The following GNAQ variants were observed in gnomAD, a reference collection of about 807,000 sequenced individuals.
GNAQ encodes the protein G protein subunit alpha q.
A neutral mutation model predicts 43.9 loss-of-function variants in GNAQ; 8 were observed. The ratio of observed to expected loss-of-function variants is 0.18; its 90% CI spans 0.11 to 0.33. The LOEUF is 0.33. GNAQ is among the 10% of genes least tolerant of loss of function. The probability of loss-of-function intolerance (pLI) is 1.00; values close to 1 mark genes in which losing one functional copy is unlikely to be tolerated. For missense variants in GNAQ, 158 were observed against 450.8 expected (o/e 0.35, Z 5.88); for synonymous variants, 155 against 170.7 (o/e 0.91, Z 0.71).
intron 2 of GNAQ, among the ~76,000 whole-genome samples, chr9:77,866,336 G>C (rs978808912): frequency 6.6e-6 from 1 of 152,196 alleles, no homozygotes; most frequent in African/African-American, 2.4e-5. Flanking sequence ...AATTAGCTGG[G>C]TGTGGTGGCA....
At chr9:77,959,277 A>G (rs2118410822) in intron 1 of GNAQ, among the ~76,000 whole-genome samples, 1 of 152,324 alleles carries the variant, frequency 6.6e-6, no homozygotes, top group African/African-American at 2.4e-5. Flanking sequence ...CTTTCAGTCT[A>G]TGATAAAATA....
At chr9:77,872,903 G>C (rs1163963103) in intron 2 of GNAQ, among the ~76,000 whole-genome samples, 6 of 152,198 alleles carry the variant, frequency 3.9e-5, no homozygotes, top group African/African-American at 1.4e-4. Flanking sequence ...CAATTTGAAA[G>C]GAAAAACAGA....
At chr9:77,739,451 T>C (rs1395726026) in intron 5 of GNAQ, among the ~76,000 whole-genome samples, 1 of 152,250 alleles carries the variant, frequency 6.6e-6, no homozygotes, top group Non-Finnish European at 1.5e-5. Flanking sequence ...TTAACCATGA[T>C]TTTAATGTTT....
At chr9:78,005,030 G>C (rs1484130834) in intron 1 of GNAQ, among the ~76,000 whole-genome samples, 1 of 152,076 alleles carries the variant, frequency 6.6e-6, no homozygotes, top group Non-Finnish European at 1.5e-5. Context: ...GTAATTAATG[G>C]TTTGGAGAGA....
chr9:77,855,854 A>G (rs966235137), intron 2 of GNAQ, among the ~76,000 whole-genome samples: 1 of 152,064 alleles, frequency 6.6e-6, no homozygotes, highest in African/African-American at 2.4e-5. Context: ...ATCTATTGTT[A>G]TTTTATAATT....
At chr9:77,933,174 T>C (rs985525555) in intron 1 of GNAQ, among the ~76,000 whole-genome samples, 5 of 152,174 alleles carry the variant, frequency 3.3e-5, no homozygotes, top group Non-Finnish European at 5.9e-5. Context: ...TGTCCTACAT[T>C]CTCTGGGCCT....
intron 3 of GNAQ, among the ~76,000 whole-genome samples, chr9:77,807,440 C>T (rs1826846311): frequency 6.6e-6 from 1 of 152,212 alleles, no homozygotes; most frequent in East Asian, 1.9e-4. Flanking sequence ...GAGTCAAGCT[C>T]ACATGACACA....
intron 2 of GNAQ, among the ~76,000 whole-genome samples, chr9:77,892,112 T>C (rs1023121337): frequency 2.6e-5 from 4 of 152,196 alleles, no homozygotes; most frequent in Non-Finnish European, 5.9e-5. Context: ...AGGTTCTAGT[T>C]TCAGTTGTCC....
chr9:77,870,118 C>G (rs1394735998), intron 2 of GNAQ, among the ~76,000 whole-genome samples: 1 of 152,074 alleles, frequency 6.6e-6, no homozygotes, highest in Non-Finnish European at 1.5e-5. Context: ...AGCGAGTATG[C>G]TGATCTAACA....
At chr9:78,028,008 T>C (rs1297858989) in intron 1 of GNAQ, among the ~76,000 whole-genome samples, 2 of 152,146 alleles carry the variant, frequency 1.3e-5, no homozygotes, top group Admixed American at 1.3e-4. Context: ...TTACAAATTA[T>C]ATTAAATGAG....
At chr9:77,920,379 A>T (rs146583582) in intron 2 of GNAQ, among the ~76,000 whole-genome samples, 19 of 152,288 alleles carry the variant, frequency 1.2e-4, no homozygotes, top group Non-Finnish European at 2.1e-4. Context: ...TTTAGTGTGT[A>T]AACTGGCAGT....
chr9:77,824,818 C>CAG (rs1196868466), intron 2 of GNAQ, among the ~76,000 whole-genome samples: 1 of 152,134 alleles, frequency 6.6e-6, no homozygotes, highest in African/African-American at 2.4e-5. Flanking sequence ...AGTTTTTCTT[C>CAG]TGCTAAGAGA....
At chr9:77,902,433 C>T (rs1828629659) in intron 2 of GNAQ, among the ~76,000 whole-genome samples, 1 of 152,122 alleles carries the variant, frequency 6.6e-6, no homozygotes, top group South Asian at 2.1e-4. Flanking sequence ...TTGTTGCTGA[C>T]TTACATAATA....
chr9:77,953,194 C>T (rs1823002898), intron 1 of GNAQ, among the ~76,000 whole-genome samples: 1 of 152,128 alleles, frequency 6.6e-6, no homozygotes. Flanking sequence ...GGGAGTTACA[C>T]CCAGCCTATC....
chr9:77,926,123 G>GA (rs1025026217), intron 1 of GNAQ, among the ~76,000 whole-genome samples: 6 of 151,976 alleles, frequency 3.9e-5, no homozygotes, highest in African/African-American at 7.2e-5. Context: ...CATCAACAAA[G>GA]AAAAAAACTC....
intron 1 of GNAQ, among the ~76,000 whole-genome samples, chr9:78,018,732 G>T (rs901674791): frequency 6.6e-6 from 1 of 151,976 alleles, no homozygotes; most frequent in African/African-American, 2.4e-5. Flanking sequence ...TATCTCAAGT[G>T]CTCTTATTTC....
intron 1 of GNAQ, among the ~76,000 whole-genome samples, chr9:78,024,888 T>C (rs1819400163): frequency 6.6e-6 from 1 of 152,220 alleles, no homozygotes; most frequent in African/African-American, 2.4e-5. Context: ...CAAGTATATG[T>C]TGAAAAAATG....
chr9:77,804,427 G>A (rs1442844120), intron 3 of GNAQ, among the ~76,000 whole-genome samples: 2 of 152,174 alleles, frequency 1.3e-5, no homozygotes, highest in African/African-American at 4.8e-5. Context: ...CTACTTGGAA[G>A]GCTGTGAGGC....
chr9:77,947,497 G>A (rs1822919150), intron 1 of GNAQ, among the ~76,000 whole-genome samples: 1 of 152,204 alleles, frequency 6.6e-6, no homozygotes, highest in South Asian at 2.1e-4. Flanking sequence ...ACAAGAAACA[G>A]AAGTGTGTGA....
Sources: allele counts gnomAD v4.1 joint callset (sites outside exome capture counted in the v4.1 genomes callset), GRCh38; gene constraint gnomAD v4.1.1; transcripts MANE v1.5; gene names NCBI Gene and HGNC (gene_info 2026-07-23, HGNC 2026-07-21).